The following PCDHA8 variants were observed in gnomAD, a reference collection of about 807,000 sequenced individuals.
PCDHA8 encodes protocadherin alpha-8.
PCDHA8 carries 53 observed loss-of-function variants against 61.8 expected under a neutral mutation model. That is an observed-to-expected ratio of 0.86 (90% CI 0.69 to 1.08). The LOEUF is 1.08. PCDHA8 is among the 50% of genes least tolerant of loss of function. The pLI is 0.00. For synonymous variants in PCDHA8, 618 were observed against 556.6 expected, an observed-to-expected ratio of 1.11 and a Z score of -1.55; for missense variants, 1,293 against 1,245.0, an observed-to-expected ratio of 1.04 and a Z score of -0.58.
intron 1 of PCDHA8, among the ~76,000 whole-genome samples, chr5:140,964,913 A>G (rs1254329232): frequency 6.6e-6 from 1 of 152,202 alleles, no homozygotes; most frequent in African/African-American, 2.4e-5. Context: ...CTCTGGAATA[A>G]CACTGGCTAG....
intron 1 of PCDHA8, among the ~76,000 whole-genome samples, chr5:140,937,847 A>G (rs2091797551): frequency 6.8e-6 from 1 of 148,000 alleles, no homozygotes; most frequent in Non-Finnish European, 1.5e-5. Flanking sequence ...GGAAGGCGGA[A>G]CTTGGAGTGA....
intron 3 of PCDHA8, among the ~76,000 whole-genome samples, chr5:140,993,462 T>TCTCA (rs1235362335): frequency 6.4e-5 from 9 of 140,938 alleles, no homozygotes; most frequent in African/African-American, 2.1e-4. Context: ...TCTTTCTTTC[T>TCTCA]CACACACACA....
At chr5:141,004,100 ATCT>A (rs1241437793) in intron 3 of PCDHA8, among the ~76,000 whole-genome samples, 4 of 152,204 alleles carry the variant, frequency 2.6e-5, no homozygotes, top group Non-Finnish European at 5.9e-5. Context: ...TTCCGTTTTC[ATCT>A]TCTTCAAAAG....
intron 1 of PCDHA8, among the ~76,000 whole-genome samples, chr5:140,912,002 A>G (rs1452427916): frequency 6.6e-6 from 1 of 152,236 alleles, no homozygotes; most frequent in Admixed American, 6.5e-5. Context: ...ACAATAGGCC[A>G]TCTGCAAGCT....
chr5:140,862,412 G>C (rs536653894), intron 1 of PCDHA8: 92 of 349,964 alleles, frequency 2.6e-4, no homozygotes, highest in Middle Eastern at 1.0e-3. Flanking sequence ...ACCTTCAAAA[G>C]GCGCTGCCCA....
Position 140,936,735 on chromosome 5 carries a change from A to G in PCDHA8, c.2395-42214A>G, listed in dbSNP as rs75635765. 5.4e-3 allele frequency among the ~76,000 whole-genome samples: 829 copies of G among 152,226 alleles called. 3 individuals carry two copies. The highest frequency in any genetic ancestry group is 0.019 in the African/African-American group (798 of 41,528). ...AATACATTCTGTGTTAAATATAGTA[A>G]CTTTTCATTTGTATTGATATCTAAT... On this transcript the variant is annotated intron_variant, in intron 1 of 3. Coordinates refer to ENST00000531613, the MANE Select transcript of PCDHA8 (RefSeq NM_018911.3).
Position 140,850,727 on chromosome 5 carries a change from G to T in PCDHA8, c.2394+7012G>T, listed in dbSNP as rs2150496154. 1.7e-5 allele frequency: 27 copies of T among 1,597,890 alleles called. 4 individuals carry two copies. The highest frequency in any genetic ancestry group is 2.2e-5 in the South Asian group (2 of 90,514). ...AGCCGACGCTGGTGTGTTCTAGCGC[G>T]GTGGGGAGTTGGTCGTACTCGCAGC... is the stretch of plus-strand genomic sequence containing the variant. On this transcript the variant is annotated intron_variant, in intron 1 of 3. Transcript: ENST00000531613.
chr5:141,000,395 C>CTCTATA (rs1213762225), intron 3 of PCDHA8, among the ~76,000 whole-genome samples: 3 of 53,980 alleles, frequency 5.6e-5, no homozygotes, highest in East Asian at 6.1e-4. Flanking sequence ...CTCTCTCTCT[C>CTCTATA]TATATATATA....
intron 1 of PCDHA8, among the ~76,000 whole-genome samples, chr5:140,941,284 TTCTCTTTC>T (rs1330714341): frequency 4.0e-5 from 5 of 124,574 alleles, no homozygotes; most frequent in African/African-American, 1.4e-4. Context: ...CTTCCTTCCT[TTCTCTTTC>T]TTTCTTTCTT....
intron 3 of PCDHA8, among the ~76,000 whole-genome samples, chr5:141,004,049 A>T (rs1372116883): frequency 6.6e-6 from 1 of 152,208 alleles, no homozygotes; most frequent in African/African-American, 2.4e-5. Flanking sequence ...TCATTTGCTG[A>T]TACTGGCCCC....
At chr5:140,859,755 T>C (rs1554152701) in intron 1 of PCDHA8, 1 of 153,726 alleles carries the variant, frequency 6.5e-6, no homozygotes, top group African/African-American at 2.4e-5. Flanking sequence ...TCTTTCAGTG[T>C]TAATACTCTC....
intron 1 of PCDHA8, among the ~76,000 whole-genome samples, chr5:140,920,082 C>T (rs567545861): frequency 2.0e-5 from 3 of 152,248 alleles, no homozygotes; most frequent in East Asian, 1.9e-4. Context: ...ACAGATTCTC[C>T]GTAGAGCCTC....
intron 3 of PCDHA8, among the ~76,000 whole-genome samples, chr5:140,986,404 G>GT (rs2097199196): frequency 6.6e-6 from 1 of 152,190 alleles, no homozygotes; most frequent in Non-Finnish European, 1.5e-5. Context: ...AGTCGCTCAT[G>GT]TTACAGCTCT....
chr5:140,875,891 T>C (rs781902632), intron 1 of PCDHA8: 3 of 1,614,008 alleles, frequency 1.9e-6, no homozygotes, highest in Non-Finnish European at 2.5e-6. Context: ...GAACAAAAGG[T>C]ACCTGTTTCT....
chr5:140,926,919 A>C (rs782148872), intron 1 of PCDHA8: 2 of 1,566,668 alleles, frequency 1.3e-6, no homozygotes, highest in South Asian at 2.4e-5. Flanking sequence ...TGGCAGTTTT[A>C]TGTTTGTGGG....
rs868938085 is a variant in PCDHA8, at chr5:140,882,236, T to C, written c.2394+38521T>C. On this transcript the variant is annotated intron_variant, in intron 1 of 3. Coordinates refer to ENST00000531613, the MANE Select transcript of PCDHA8 (RefSeq NM_018911.3). ...AGTTTGAGGTAAGGCGTTGTATATA[T>C]TGCAGATAGCTCTGAGGTTTTTGGA... 7.6e-6 allele frequency: 12 copies of C among 1,581,516 alleles called. 1 individual carries two copies. The Middle Eastern group carries it at 1.0e-3, about 134-fold the overall frequency.
At chr5:140,969,450 G>A (rs1554231822) in intron 1 of PCDHA8, 4 of 1,511,552 alleles carry the variant, frequency 2.6e-6, no homozygotes, top group Non-Finnish European at 3.6e-6. Flanking sequence ...GGTAAACTGA[G>A]TATATATAGT....
intron 3 of PCDHA8, among the ~76,000 whole-genome samples, chr5:140,997,495 C>T (rs1255911617): frequency 6.6e-6 from 1 of 152,078 alleles, no homozygotes; most frequent in East Asian, 1.9e-4. Context: ...ATTTGTGTAT[C>T]TCAACATACC....
At chr5:140,901,033 T>C (rs2153472378) in intron 1 of PCDHA8, among the ~76,000 whole-genome samples, 1 of 152,364 alleles carries the variant, frequency 6.6e-6, no homozygotes, top group South Asian at 2.1e-4. Flanking sequence ...TTCAACTCTT[T>C]TGCCCATTTT....
Sources: allele counts gnomAD v4.1 joint callset (sites outside exome capture counted in the v4.1 genomes callset), GRCh38; gene constraint gnomAD v4.1.1; transcripts MANE v1.5; gene names NCBI Gene and HGNC (gene_info 2026-07-23, HGNC 2026-07-21).